TRPV5: variants seen among roughly 807,000 people sequenced by gnomAD.
TRPV5 encodes calcium transport protein 2.
A neutral mutation model predicts 74.1 loss-of-function variants in TRPV5; 66 were observed. That is an observed-to-expected ratio of 0.89 (90% CI 0.73 to 1.09). The LOEUF is 1.09. Among genes scored for constraint, TRPV5 ranks in the 50% least tolerant of loss-of-function variants. TRPV5 has a pLI of 0.00. For synonymous variants in TRPV5, 399 were observed against 360.7 expected, an observed-to-expected ratio of 1.11 and a Z score of -1.20; for missense variants, 936 against 930.4, an observed-to-expected ratio of 1.01 and a Z score of -0.08.
intron 8 of TRPV5, 49 bp from the exon 9 acceptor site, chr7:142,915,617 T>C (rs778572478): frequency 1.3e-6 from 2 of 1,589,042 alleles, no homozygotes; most frequent in Non-Finnish European, 8.6e-7. Context: ...CAGAGTCAAA[T>C]CCTTTTGTGC....
chr7:142,915,709 T>C, intron 8 of TRPV5, 141 bp from the exon 9 acceptor site: 2 of 742,464 alleles, frequency 2.7e-6, no homozygotes, highest in Non-Finnish European at 2.2e-6. Context: ...CCATTGTACT[T>C]GCCATTGTGG....
intron 1 of TRPV5, 92 bp from the exon 2 acceptor site, chr7:142,930,538 G>T: frequency 1.1e-6 from 1 of 950,394 alleles, no homozygotes; most frequent in Non-Finnish European, 1.7e-6. Context: ...TAAGACCAAC[G>T]TGACTCACAC....
chr7:142,931,903 T>A (rs926895992), intron 1 of TRPV5, among the ~76,000 whole-genome samples: 5 of 152,072 alleles, frequency 3.3e-5, no homozygotes, highest in Non-Finnish European at 7.4e-5. Context: ...GGTTTCAGCA[T>A]GTTGGCCAGG....
rs969721867 is a variant in TRPV5, at chr7:142,933,446, A to G, written c.14T>C (p.Leu5Pro). Residue 5 changes from leucine to proline, a missense_variant, in exon 1 of 15, where the codon CTA (leucine) becomes CCA (proline). By Grantham distance (98) the Leu-to-Pro change is moderately conservative. Coordinates refer to ENST00000265310, the MANE Select transcript of TRPV5 (RefSeq NM_019841.7). ...GCTCCCGGGCCCTTCTGCCTTAGGT[A>G]GAAAACCCCCCATGTCTTCTCCTTG... MGGFLPKAEGPGSQL... is the reference protein window; with the variant it reads MGGFPPKAEGPGSQL... The G allele has an allele frequency of 1.2e-6, 2 of 1,613,490 alleles. No individual in the cohort carries two copies. The highest frequency in any genetic ancestry group is 1.7e-6 in the Non-Finnish European group (2 of 1,179,790).
At position 142,912,555 on chromosome 7, in the gene TRPV5, T is replaced by C; in HGVS notation, c.1715A>G (p.Asn572Ser). Residue 572 changes from asparagine to serine, a missense_variant, in exon 13 of 15, where the codon AAC (asparagine) becomes AGC (serine). Transcript: ENST00000265310. ...GTCGCCCATCATGGCGATGAACAAG[T>C]TGAGCATGAGCAGTGTGGCAATGAT... ...FTIIATLLMLNLFIAMMGDTH... is the reference protein window; with the variant it reads ...FTIIATLLMLSLFIAMMGDTH... 5.0e-6 allele frequency: 8 copies of C among 1,614,134 alleles called. No homozygotes were observed. Among genetic ancestry groups the C allele is most frequent in the Non-Finnish European group, 6.8e-6 (8 of 1,179,962 alleles).
At chr7:142,929,313 G>A (rs916061559) in intron 4 of TRPV5, 115 bp downstream of exon 4, 2 of 1,533,894 alleles carry the variant, frequency 1.3e-6, no homozygotes, top group Admixed American at 1.9e-5. Flanking sequence ...TAGAAGGGCT[G>A]CCCCTCTCAA....
Position 142,915,290 on chromosome 7 carries a change from A to G in TRPV5, c.1286+17T>C. On this transcript the variant is annotated intron_variant, in intron 10 of 14. Coordinates refer to ENST00000265310, the MANE Select transcript of TRPV5 (RefSeq NM_019841.7). ...CTGGTAAGGAAAGGCAGGGGGCTGGAATGAGGGGATACTCACATGATGACA... is the reference window on the plus strand; with the variant it reads ...CTGGTAAGGAAAGGCAGGGGGCTGGGATGAGGGGATACTCACATGATGACA... 6.2e-7 allele frequency: 1 copy of G among 1,609,234 alleles called. No individual in the cohort carries two copies. The highest frequency in any genetic ancestry group is 8.5e-7 in the Non-Finnish European group (1 of 1,178,776).
At position 142,933,573 on chromosome 7, in the gene TRPV5, A is replaced by G; in HGVS notation, c.-114T>C. The G allele has an allele frequency of 7.1e-7, 1 of 1,405,986 alleles. No individual in the cohort carries two copies. Among genetic ancestry groups the G allele is most frequent in the Admixed American group, 2.1e-5 (1 of 47,070 alleles). 87.1% of individuals were successfully genotyped at this position (1,405,986 alleles called of 1,614,324 possible). ...TATTTGGGGCTGGGACTCTGAGTTT[A>G]TCTCCTGTATGACTTGTGTATGCAG... On this transcript the variant is annotated 5_prime_UTR_variant, in exon 1 of 15. It removes the in-frame stop codon of an upstream open reading frame in the 5' UTR. Coordinates refer to ENST00000265310, the MANE Select transcript of TRPV5 (RefSeq NM_019841.7).
At chr7:142,929,716 A>C in intron 3 of TRPV5, 151 bp from the exon 4 acceptor site, 3 of 1,252,708 alleles carry the variant, frequency 2.4e-6, no homozygotes, top group Non-Finnish European at 3.3e-6. Context: ...GACTAAGAGC[A>C]ATTCATCCCT....
At chr7:142,916,695 G>A (rs949020701) in intron 8 of TRPV5, among the ~76,000 whole-genome samples, 1 of 152,138 alleles carries the variant, frequency 6.6e-6, no homozygotes, top group Non-Finnish European at 1.5e-5. Context: ...CATAAGGAAC[G>A]GCAATTATCC....
In TRPV5 at chr7:142,915,361, C is replaced by T; in HGVS notation, c.1232G>A (p.Gly411Asp). ...CGTCTTTCCAAAATAGCGAGAGGCACCAACCCTGAAGATGTCTGGAATCTG... is the reference window on the plus strand; with the variant it reads ...CGTCTTTCCAAAATAGCGAGAGGCATCAACCCTGAAGATGTCTGGAATCTG... ...LLEIPDIFRV[G>D]ASRYFGKTIL... Residue 411 changes from glycine to aspartate, a missense_variant, in exon 10 of 15, where the codon GGT becomes GAT. Transcript: ENST00000265310. 1 of 1,607,422 alleles carries T rather than the reference C, an allele frequency of 6.2e-7. No homozygotes were observed. The highest frequency in any genetic ancestry group is 1.1e-5 in the South Asian group (1 of 90,136).
rs1162184883 is a variant in TRPV5, at chr7:142,928,541, T to C, written c.762+150A>G. On this transcript the variant is annotated intron_variant, in intron 6 of 14. Coordinates refer to ENST00000265310, the MANE Select transcript of TRPV5 (RefSeq NM_019841.7). ...GAAGCTGAAGATTTCAGTGATGGAA[T>C]AGGAAGCAAGGGACCACCATCCCTT... 2.0e-5 allele frequency: 24 copies of C among 1,196,952 alleles called. No homozygotes were observed. The East Asian group carries it at 4.6e-4, about 23-fold the overall frequency. The allele number at this position is 1,196,952 out of a possible 1,614,324, so 74.1% of individuals were successfully genotyped here.
chr7:142,916,928 C>G (rs1392161538), intron 8 of TRPV5, among the ~76,000 whole-genome samples: 1 of 146,306 alleles, frequency 6.8e-6, no homozygotes, highest in African/African-American at 2.5e-5. Flanking sequence ...AAATGGTATG[C>G]TCTGTAAACT....
At chr7:142,928,934 G>C in intron 5 of TRPV5, 68 bp from the exon 6 acceptor site, 2 of 1,611,710 alleles carry the variant, frequency 1.2e-6, no homozygotes, top group Admixed American at 3.3e-5. Context: ...CCCCACTCTG[G>C]GGTCTTCCTA....
intron 12 of TRPV5, among the ~76,000 whole-genome samples, chr7:142,913,079 GTTTTTGCATTT>G (rs1260219522): frequency 2.6e-5 from 4 of 152,236 alleles, no homozygotes; most frequent in African/African-American, 4.8e-5. Context: ...CACCTAACTG[GTTTTTGCATTT>G]TAGAAAACCA....
At chr7:142,915,078 A>C (rs1454523718) in intron 10 of TRPV5, 32 bp from the exon 11 acceptor site, 1 of 1,607,680 alleles carries the variant, frequency 6.2e-7, no homozygotes, top group Admixed American at 1.7e-5. Context: ...AGTGAGAGAC[A>C]AGCTGGAACT....
At chr7:142,924,391 T>G (rs6953135) in intron 8 of TRPV5, among the ~76,000 whole-genome samples, 2 of 112,318 alleles carry the variant, frequency 1.8e-5, no homozygotes, top group Admixed American at 9.0e-5. Flanking sequence ...TATATATATA[T>G]ACATATACAT....
Position 142,908,382 on chromosome 7 carries a change from A to T in TRPV5, c.*132T>A. 2 of 967,476 alleles carry T rather than the reference A, an allele frequency of 2.1e-6. No homozygotes were observed. Among genetic ancestry groups the T allele is most frequent in the Non-Finnish European group, 3.1e-6 (2 of 646,004 alleles). 59.9% of individuals were successfully genotyped at this position (967,476 alleles called of 1,614,324 possible). A position where few individuals can be genotyped will look rare whatever the true frequency, so the allele number is the denominator to read the frequency against. ...TGTGAAGTGTGAGGCATGACCCTTT[A>T]GGGATTGTTCTGTCTCACCCTCCCA... On this transcript the variant is annotated 3_prime_UTR_variant, in exon 15 of 15. Coordinates refer to ENST00000265310, the MANE Select transcript of TRPV5 (RefSeq NM_019841.7).
intron 8 of TRPV5, among the ~76,000 whole-genome samples, chr7:142,917,929 G>T (rs1049905097): frequency 6.6e-6 from 1 of 152,224 alleles, no homozygotes; most frequent in African/African-American, 2.4e-5. Flanking sequence ...TGCAATAGAA[G>T]TAATGATAAT....
Sources: allele counts gnomAD v4.1 joint callset (sites outside exome capture counted in the v4.1 genomes callset), GRCh38; gene constraint gnomAD v4.1.1; transcripts MANE v1.5; gene names NCBI Gene and HGNC (gene_info 2026-07-23, HGNC 2026-07-21).